ATP2B3: variants seen among roughly 807,000 people sequenced by gnomAD.
ATP2B3 encodes plasma membrane calcium-transporting ATPase 3.
A neutral mutation model predicts 70.8 loss-of-function variants in ATP2B3; 12 were observed. That is an observed-to-expected ratio of 0.17 (90% CI 0.11 to 0.27). The LOEUF (loss-of-function observed/expected upper bound fraction) is 0.27. Among genes scored for constraint, ATP2B3 ranks in the 10% least tolerant of loss-of-function variants. The pLI, the probability that ATP2B3 is intolerant of heterozygous loss-of-function variation, is 1.00. For synonymous variants in ATP2B3, 460 were observed against 497.8 expected (o/e 0.92, Z 1.01); for missense variants, 858 against 1,118.5 (o/e 0.77, Z 3.32).
chrX:153,572,332 G>A (rs1557020157), intron 21 of ATP2B3, among the ~76,000 whole-genome samples: 1 of 112,970 alleles, frequency 8.9e-6, no homozygotes, highest in African/African-American at 3.2e-5. Flanking sequence ...AGGCCAGGCT[G>A]CCTTTCAGCC....
rs1268933389 is a variant in ATP2B3 at position 153,558,090 on chromosome X, AGTGT to A, written c.2434-15_2434-12del. ...GGGGCCCCCACAAACACTCTGTGTGAGTGTGTGTGTCACCCCCCCAGGGCATCGC... is the reference window on the plus strand; with the variant it reads ...GGGGCCCCCACAAACACTCTGTGTGAGTGTGTCACCCCCCCAGGGCATCGC... On this transcript the variant is annotated intron_variant, in intron 16 of 21. Coordinates refer to ENST00000263519, the MANE Select transcript of ATP2B3 (RefSeq NM_001001344.3). 2 of 1,196,275 alleles carry A rather than the reference AGTGT, an allele frequency of 1.7e-6. No individual in the cohort carries two copies. Among genetic ancestry groups the A allele is most frequent in the African/African-American group, 1.7e-5 (1 of 57,434 alleles).
chrX:153,567,750 A>G (rs1436938247), intron 21 of ATP2B3, among the ~76,000 whole-genome samples: 1 of 111,080 alleles, frequency 9.0e-6, no homozygotes, highest in East Asian at 2.8e-4. Flanking sequence ...CGTATGAGGA[A>G]ACAGGGTGCA....
chrX:153,576,337 T>C (rs187190994), intron 21 of ATP2B3, among the ~76,000 whole-genome samples: 1 of 110,998 alleles, frequency 9.0e-6, no homozygotes, highest in East Asian at 2.9e-4. Context: ...GGCTCAGATG[T>C]GGAAGATGCT....
chrX:153,531,054 G>A (rs930478827), intron 2 of ATP2B3, among the ~76,000 whole-genome samples: 40 of 111,804 alleles, frequency 3.6e-4, no homozygotes, highest in African/African-American at 1.0e-3. Flanking sequence ...CCAGGTGGTC[G>A]CCAAGGTGCG....
intron 2 of ATP2B3, among the ~76,000 whole-genome samples, chrX:153,526,063 C>T (rs191411185): frequency 1.0e-3 from 118 of 112,729 alleles, no homozygotes; most frequent in Non-Finnish European, 2.0e-3. Flanking sequence ...GGCTATAGCA[C>T]AATCGTGGGA....
chrX:153,570,048 T>C, intron 21 of ATP2B3: 1 of 384,561 alleles, frequency 2.6e-6, no homozygotes, highest in Non-Finnish European at 4.4e-6. Context: ...TTTCTTGAAC[T>C]TGTCTGCCTT....
intron 19 of ATP2B3, 73 bp downstream of exon 19, chrX:153,560,960 G>T (rs782604538): frequency 8.8e-7 from 1 of 1,132,554 alleles, no homozygotes; most frequent in Admixed American, 2.3e-5. Flanking sequence ...AAGACCCCTC[G>T]TCCACCCCTA....
rs782475935 is a variant in ATP2B3 at position 153,537,578 on chromosome X, T to A, written c.208+1123T>A. ...GGGCCAGGTCAGGAACTCCAGGGTC[T>A]GCCTGGGTCTCCCTAGCTTTGTGCC... On this transcript the variant is annotated intron_variant, in intron 3 of 21. Coordinates refer to ENST00000263519, the MANE Select transcript of ATP2B3 (RefSeq NM_001001344.3). Among the ~76,000 whole-genome samples, 7 of 113,269 alleles carry A rather than the reference T, an allele frequency of 6.2e-5. No individual in the cohort carries two copies. The Admixed American group carries it at 6.4e-4, about 10-fold the overall frequency.
intron 21 of ATP2B3, among the ~76,000 whole-genome samples, chrX:153,571,541 C>T (rs1305088548): frequency 8.9e-6 from 1 of 112,197 alleles, no homozygotes; most frequent in East Asian, 2.8e-4. Flanking sequence ...CTCTGTGGGG[C>T]CTGCTGTCTT....
rs1379952932 is a variant in ATP2B3, at chrX:153,536,395, G to C, written c.148G>C (p.Glu50Gln). Residue 50 changes from glutamate (E) to glutamine (Q), a missense_variant, in exon 3 of 22, where the codon GAG becomes CAG. This residue lies in a region of ATP2B3 where 278 missense variants were observed against 366.2 expected (regional missense o/e 0.76). Coordinates refer to ENST00000263519, the MANE Select transcript of ATP2B3 (RefSeq NM_001001344.3). ...LRGAEALQKI[E>Q]EAYGDVSGLC... ...AGGGGCCGAGGCGCTGCAGAAGATC[G>C]AGGAGGCCTACGGGGATGTCAGCGG... 1.7e-6 allele frequency: 2 copies of C among 1,205,792 alleles called. No individual in the cohort carries two copies. Among genetic ancestry groups the C allele is most frequent in the Non-Finnish European group, 2.2e-6 (2 of 893,262 alleles).
intron 21 of ATP2B3, among the ~76,000 whole-genome samples, chrX:153,572,827 G>C (rs1557020284): frequency 8.9e-6 from 1 of 112,125 alleles, no homozygotes. Flanking sequence ...GTCAGGGACA[G>C]CTGGTTCAGT....
At position 153,580,891 on chromosome X, in the gene ATP2B3, T is replaced by G. The variant is rs2090915519; in HGVS notation, c.*593T>G. 8.9e-6 allele frequency: 1 copy of G among 112,873 alleles called. No individual in the cohort carries two copies. Among genetic ancestry groups the G allele is most frequent in the Non-Finnish European group, 1.9e-5 (1 of 53,988 alleles). 9.3% of individuals were successfully genotyped at this position (112,873 alleles called of 1,213,427 possible). Reference sequence around the variant, plus strand: ...AAAGCAACCCGCCCTCTGCAAAAACTAGGCACATCCGCAGTGCGCATGTGT... The same window carrying G: ...AAAGCAACCCGCCCTCTGCAAAAACGAGGCACATCCGCAGTGCGCATGTGT... On this transcript the variant is annotated 3_prime_UTR_variant, in exon 22 of 22. Transcript: ENST00000263519.
intron 19 of ATP2B3, among the ~76,000 whole-genome samples, chrX:153,561,186 CCTCTAGGTCTGCCATTCCCA>C (rs1458769331): frequency 8.9e-6 from 1 of 111,795 alleles, no homozygotes; most frequent in African/African-American, 3.3e-5. Flanking sequence ...TCCCTGGCTC[CCTCTAGGTCTGCCATTCCCA>C]TTTCTAGCAC....
intron 7 of ATP2B3, 123 bp from the exon 8 acceptor site, chrX:153,545,964 TG>T: frequency 1.4e-6 from 1 of 721,262 alleles, no homozygotes; most frequent in Non-Finnish European, 2.1e-6. Flanking sequence ...GGGGTGAGCC[TG>T]GAGAGGACGG....
rs183666635 is a variant in ATP2B3 at position 153,529,592 on chromosome X, C to T, written c.-126-6530C>T. 1.3e-4 allele frequency among the ~76,000 whole-genome samples: 15 copies of T among 112,148 alleles called. 1 individual carries two copies. Among genetic ancestry groups the T allele is most frequent in the African/African-American group, 4.9e-4 (15 of 30,884 alleles). ...CATCACCTAAAATGTACCACGTTCACCATTTTTAAGTGTGCGGCCCAGGGG... is the reference window on the plus strand; with the variant it reads ...CATCACCTAAAATGTACCACGTTCATCATTTTTAAGTGTGCGGCCCAGGGG... On this transcript the variant is annotated intron_variant, in intron 2 of 21. Coordinates refer to ENST00000263519, the MANE Select transcript of ATP2B3 (RefSeq NM_001001344.3).
chrX:153,568,191 C>T (rs1164930959), intron 21 of ATP2B3, among the ~76,000 whole-genome samples: 1 of 111,909 alleles, frequency 8.9e-6, no homozygotes, highest in Non-Finnish European at 1.9e-5. Flanking sequence ...TAAAAGAGTC[C>T]TTCAAACCCA....
At chrX:153,538,684 C>G (rs781810738) in intron 3 of ATP2B3, among the ~76,000 whole-genome samples, 14 of 113,204 alleles carry the variant, frequency 1.2e-4, no homozygotes, top group Non-Finnish European at 2.2e-4. Flanking sequence ...CCATGCCAAC[C>G]GGCCAGCCCC....
intron 2 of ATP2B3, among the ~76,000 whole-genome samples, chrX:153,525,613 C>T (rs1448917400): frequency 8.9e-6 from 1 of 112,566 alleles, no homozygotes; most frequent in Non-Finnish European, 1.9e-5. Flanking sequence ...GAGATGGGCT[C>T]AGGAGCAGCT....
chrX:153,569,223 T>C, intron 21 of ATP2B3: 1 of 427,792 alleles, frequency 2.3e-6, no homozygotes. Context: ...CGGGTTCTAA[T>C]AGGAGCGTGT....
Sources: gnomAD v4.1 joint callset for allele counts (sites outside exome capture counted in the v4.1 genomes callset) on GRCh38, gnomAD v4.1.1 for gene constraint, gnomAD v4.1.1 regional missense constraint, MANE v1.5 for transcripts, NCBI Gene and HGNC (gene_info 2026-07-23, HGNC 2026-07-21) for gene names.